The following SLCO4A1 variants were observed in gnomAD, a reference collection of about 807,000 sequenced individuals.
SLCO4A1 encodes the protein colon organic anion transporter.
Under a neutral mutation model 64.6 loss-of-function variants are expected in SLCO4A1, and 51 were observed. The observed-to-expected ratio is 0.79, with a 90% confidence interval of 0.63 to 1.00. SLCO4A1 has a LOEUF of 1.00. SLCO4A1 is among the 50% of genes least tolerant of loss of function. The probability of loss-of-function intolerance (pLI) is 0.00; values close to 1 mark genes in which losing one functional copy is unlikely to be tolerated. For synonymous variants in SLCO4A1, 471 were observed against 444.9 expected (o/e 1.06, Z -0.74); for missense variants, 919 against 980.5 (o/e 0.94, Z 0.84).
chr20:62,646,424 T>G (rs557120959), intron 1 of SLCO4A1, among the ~76,000 whole-genome samples: 1 of 152,116 alleles, frequency 6.6e-6, no homozygotes, highest in Non-Finnish European at 1.5e-5. Context: ...ACACCACGGG[T>G]CTGTAAAGGG....
At chr20:62,683,891 G>A (rs1478013764) in intron 2 of SLCO4A1, among the ~76,000 whole-genome samples, 6 of 151,802 alleles carry the variant, frequency 4.0e-5, no homozygotes, top group African/African-American at 9.7e-5. Flanking sequence ...ACGTGACCAC[G>A]CGCTTCCCAC....
chr20:62,649,029 A>C (rs953973078), intron 1 of SLCO4A1: 1 of 152,250 alleles, frequency 6.6e-6, no homozygotes, highest in Non-Finnish European at 1.5e-5. Context: ...AGGTGGAAAG[A>C]GATTTATCCT....
chr20:62,671,932 C>G lies in SLCO4A1; in HGVS notation c.*39C>G, dbSNP rs1365351160. 1 of 1,604,382 alleles carries G rather than the reference C, an allele frequency of 6.2e-7. No individual in the cohort carries two copies. The highest frequency in any genetic ancestry group is 2.2e-5 in the East Asian group (1 of 44,898). On this transcript the variant is annotated 3_prime_UTR_variant, in exon 12 of 12. Transcript: ENST00000217159. Reference sequence around the variant, plus strand: ...CCACCCGGCCACGGCGGGCACTCAGCATTTCCTGATGACAGAACAGTGCCG... The same window carrying G: ...CCACCCGGCCACGGCGGGCACTCAGGATTTCCTGATGACAGAACAGTGCCG...
downstream of SLCO4A1, among the ~76,000 whole-genome samples, chr20:62,673,650 C>T (rs570815005): frequency 5.2e-4 from 75 of 144,766 alleles, 3 homozygotes; most frequent in African/African-American, 1.8e-3. Context: ...GCTGCCCTGG[C>T]GGGAACCCCG....
At chr20:62,655,040 C>G (rs1485132873) in intron 1 of SLCO4A1, among the ~76,000 whole-genome samples, 3 of 152,364 alleles carry the variant, frequency 2.0e-5, no homozygotes, top group Middle Eastern at 3.4e-3. Flanking sequence ...TAACCTTAGT[C>G]ACCTCTTTAA....
chr20:62,669,435 C>T (rs964761049), intron 11 of SLCO4A1, among the ~76,000 whole-genome samples: 3 of 152,242 alleles, frequency 2.0e-5, no homozygotes. Flanking sequence ...GTGGCTGCTC[C>T]TGTTAGAGCG....
intron 5 of SLCO4A1, 110 bp from the exon 6 acceptor site, chr20:62,664,822 CCA>C: frequency 1.6e-6 from 2 of 1,225,520 alleles, no homozygotes; most frequent in Non-Finnish European, 2.2e-6. Context: ...AGTCTCTTCT[CCA>C]CACCCCGACC....
intron 11 of SLCO4A1, 31 bp downstream of exon 11, chr20:62,669,109 C>G: frequency 6.3e-7 from 1 of 1,599,892 alleles, no homozygotes; most frequent in Non-Finnish European, 8.5e-7. Context: ...GACAGAGGGT[C>G]TGCTCTGAGG....
At chr20:62,681,796 G>A (rs758781464) in intron 2 of SLCO4A1, among the ~76,000 whole-genome samples, 2 of 152,042 alleles carry the variant, frequency 1.3e-5, no homozygotes, top group African/African-American at 2.4e-5. Flanking sequence ...ATCTAGGCCC[G>A]GAGATTTCTT....
At position 62,661,143 on chromosome 20, in the gene SLCO4A1, G is replaced by C; in HGVS notation, c.1089G>C (p.Pro363=). ...GCAGCCGTGGGGAGGCGAGCAACCC[G>C]GACTTTGGGAAAACCATCAGAGACC... ...KDSSRGEASN[P]DFGKTIRDLP... is the part of the protein sequence containing the mutation. The change falls in exon 5 of 12, where the codon CCG becomes CCC. Residue 363 remains proline, a synonymous_variant. Coordinates refer to ENST00000217159, the MANE Select transcript of SLCO4A1 (RefSeq NM_016354.4). The surrounding 1 kb of genome is among the most constrained non-coding windows in gnomAD (Gnocchi z 5.2). 1 of 1,613,406 alleles carries C rather than the reference G, an allele frequency of 6.2e-7. No homozygotes were observed. Among genetic ancestry groups the C allele is most frequent in the South Asian group, 1.1e-5 (1 of 91,082 alleles).
intron 9 of SLCO4A1, 116 bp from the exon 10 acceptor site, chr20:62,668,361 C>A: frequency 7.7e-7 from 1 of 1,304,680 alleles, no homozygotes; most frequent in South Asian, 1.2e-5. Context: ...GGGCTTCCCA[C>A]TTGGGGGGGG....
downstream of SLCO4A1, among the ~76,000 whole-genome samples, chr20:62,674,008 G>A (rs535247333): frequency 4.4e-4 from 67 of 152,322 alleles, no homozygotes; most frequent in African/African-American, 1.5e-3. Flanking sequence ...CCCCAGGCTC[G>A]TCTATGGCAG....
chr20:62,656,530 C>A lies in SLCO4A1; in HGVS notation c.76C>A (p.His26Asn). The change falls in exon 2 of 12, where the codon CAC (histidine) becomes AAC (asparagine). Residue 26 changes from histidine to asparagine, a missense_variant. By Grantham distance (68) the His-to-Asn change is moderately conservative. Coordinates refer to ENST00000217159, the MANE Select transcript of SLCO4A1 (RefSeq NM_016354.4). ...CTCAGCCATGGAAAACGGGCTTGAC[C>A]ACACCCCACCCAGCAGGAGGGCATC... ...PNSAMENGLD[H>N]TPPSRRASPG... 1 of 1,575,966 alleles carries A rather than the reference C, an allele frequency of 6.3e-7. No homozygotes were observed. The highest frequency in any genetic ancestry group is 8.6e-7 in the Non-Finnish European group (1 of 1,165,818).
chr20:62,687,032 AC>A (rs1265286853), downstream of SLCO4A1, among the ~76,000 whole-genome samples: 3 of 137,420 alleles, frequency 2.2e-5, no homozygotes, highest in African/African-American at 8.6e-5. Flanking sequence ...TGGGAAGGGC[AC>A]CCCCAAACAG....
downstream of SLCO4A1, chr20:62,672,377 C>G: frequency 1.3e-6 from 1 of 764,422 alleles, no homozygotes; most frequent in Non-Finnish European, 1.6e-6. Context: ...TGTAGTCAGC[C>G]CTGTGGAATC....
rs202002414 is a variant in SLCO4A1, at chr20:62,660,449, G to A, written c.925G>A (p.Ala309Thr). The A allele has an allele frequency of 5.7e-5, 92 of 1,601,038 alleles. No individual in the cohort carries two copies. The East Asian group carries it at 1.7e-3, about 29-fold the overall frequency. ...LTTESPLWVGAWWVGFLGSGA... is the reference protein window; with the variant it reads ...LTTESPLWVGTWWVGFLGSGA... ...CACCGAGAGCCCACTGTGGGTCGGCGCCTGGTGGGTCGGCTTCCTGGGCTC... is the reference window on the plus strand; with the variant it reads ...CACCGAGAGCCCACTGTGGGTCGGCACCTGGTGGGTCGGCTTCCTGGGCTC... Residue 309 changes from alanine to threonine, a missense_variant, in exon 4 of 12, where the codon GCC becomes ACC. Physicochemically the swap from Ala to Thr is moderately conservative, Grantham distance 58. Coordinates refer to ENST00000217159, the MANE Select transcript of SLCO4A1 (RefSeq NM_016354.4).
rs201300464 is a variant in SLCO4A1, at chr20:62,671,732, G to A, written c.2026-18G>A. On this transcript the variant is annotated intron_variant, in intron 11 of 11. Coordinates refer to ENST00000217159, the MANE Select transcript of SLCO4A1 (RefSeq NM_016354.4). ...GGCCGAGCTCCCCACGAGGTCCAGCGGGCTCCTCTCTCCCCAGGTGCTGGG... is the reference window on the plus strand; with the variant it reads ...GGCCGAGCTCCCCACGAGGTCCAGCAGGCTCCTCTCTCCCCAGGTGCTGGG... 354 of 1,609,468 alleles carry A rather than the reference G, an allele frequency of 2.2e-4. No individual in the cohort carries two copies. Among genetic ancestry groups the A allele is most frequent in the African/African-American group, 4.8e-4 (36 of 74,930 alleles).
Position 62,668,010 on chromosome 20 carries a change from A to T in SLCO4A1, c.1639-2A>T. On this transcript the variant is annotated splice_acceptor_variant, in intron 8 of 11. Transcript: ENST00000217159. LOFTEE classifies it high-confidence loss of function. ...AATCGGAGCTATTGTTGGGCTTCCC[A>T]GGTGTACCGAGACTGTAGCTGTATC... 6.2e-7 allele frequency: 1 copy of T among 1,613,978 alleles called. No individual in the cohort carries two copies. Among genetic ancestry groups the T allele is most frequent in the Non-Finnish European group, 8.5e-7 (1 of 1,180,016 alleles).
intron 2 of SLCO4A1, among the ~76,000 whole-genome samples, chr20:62,683,974 C>T (rs1182653582): frequency 4.3e-5 from 1 of 23,242 alleles, no homozygotes; most frequent in Non-Finnish European, 8.2e-5. Context: ...CACGTGACCA[C>T]GCGCTTCCCA....
Sources: gnomAD v4.1 joint callset for allele counts (sites outside exome capture counted in the v4.1 genomes callset) on GRCh38, gnomAD v4.1.1 for gene constraint, Gnocchi (gnomAD v3.1) non-coding constraint, MANE v1.5 for transcripts, NCBI Gene and HGNC (gene_info 2026-07-23, HGNC 2026-07-21) for gene names.